Variants in MEGF11 observed in about 807,000 individuals in gnomAD.
MEGF11 encodes the protein multiple EGF like domains 11.
A neutral mutation model predicts 146.6 loss-of-function variants in MEGF11; 126 were observed. That is an observed-to-expected ratio of 0.86 (90% CI 0.74 to 1.00). MEGF11 has a LOEUF of 1.00. MEGF11 is among the 50% of genes least tolerant of loss of function. The probability of loss-of-function intolerance (pLI) is 0.00; values close to 1 mark genes in which losing one functional copy is unlikely to be tolerated. For missense variants in MEGF11, 1,509 were observed against 1,521.2 expected, an observed-to-expected ratio of 0.99 and a Z score of 0.13; for synonymous variants, 532 against 583.4, an observed-to-expected ratio of 0.91 and a Z score of 1.27.
In MEGF11 at chr15:65,938,316, G is replaced by GCTCC. The variant is rs1213361641; in HGVS notation, c.1288-7377_1288-7374dup. On this transcript the variant is annotated intron_variant, in intron 10 of 25. Transcript: ENST00000395614. ...ATTCATTTGGAACTCAGATCTCCTA[G>GCTCC]CTCCCATTTGGGTCACAGGATGCTA... Among the ~76,000 whole-genome samples the GCTCC allele has an allele frequency of 5.9e-5, 9 of 152,366 alleles. No individual in the cohort carries two copies. In the East Asian group the frequency reaches 1.3e-3, roughly 23 times the overall value.
At chr15:65,995,489 C>A (rs747350687) in intron 5 of MEGF11, among the ~76,000 whole-genome samples, 1 of 152,218 alleles carries the variant, frequency 6.6e-6, no homozygotes, top group South Asian at 2.1e-4. Flanking sequence ...GGTTGCTAAA[C>A]GTTTACTCTC....
At chr15:66,234,619 C>T (rs943985608) in intron 1 of MEGF11, among the ~76,000 whole-genome samples, 5 of 152,136 alleles carry the variant, frequency 3.3e-5, no homozygotes, top group African/African-American at 1.2e-4. Context: ...GAATATGATC[C>T]CTGAAGGACA....
intron 1 of MEGF11, among the ~76,000 whole-genome samples, chr15:66,243,988 C>G (rs2092257019): frequency 6.6e-6 from 1 of 152,216 alleles, no homozygotes; most frequent in African/African-American, 2.4e-5. Flanking sequence ...CTCAGGGTTA[C>G]TAACCATTGG....
intron 8 of MEGF11, among the ~76,000 whole-genome samples, chr15:65,968,376 T>A (rs1260782803): frequency 6.6e-6 from 1 of 152,186 alleles, no homozygotes. Context: ...AGATACCTCC[T>A]GATACCTGTT....
intron 19 of MEGF11, among the ~76,000 whole-genome samples, chr15:65,914,781 A>G (rs2078935933): frequency 2.0e-5 from 3 of 152,224 alleles, no homozygotes; most frequent in South Asian, 2.1e-4. Context: ...CCTTTTCTGT[A>G]ATGTGAATAA....
intron 5 of MEGF11, among the ~76,000 whole-genome samples, chr15:66,055,179 C>T (rs2084626119): frequency 6.6e-6 from 1 of 152,184 alleles, no homozygotes; most frequent in South Asian, 2.1e-4. Context: ...TCAAACTGTA[C>T]CGGTTTAGCT....
At chr15:65,993,498 T>C (rs963943329) in intron 5 of MEGF11, among the ~76,000 whole-genome samples, 1 of 151,600 alleles carries the variant, frequency 6.6e-6, no homozygotes, top group Non-Finnish European at 1.5e-5. Context: ...TCATAAATCA[T>C]GTCTGTGCAC....
intron 9 of MEGF11, 71 bp from the exon 10 acceptor site, chr15:65,957,792 C>T (rs1425272486): frequency 6.7e-7 from 1 of 1,501,304 alleles, no homozygotes; most frequent in Non-Finnish European, 9.2e-7. Context: ...CCTCTGTCTA[C>T]CCCAAGCCTG....
intron 24 of MEGF11, among the ~76,000 whole-genome samples, chr15:65,901,337 C>T (rs1473087015): frequency 2.0e-5 from 3 of 151,158 alleles, no homozygotes; most frequent in African/African-American, 2.4e-5. Flanking sequence ...TATTTTCTAA[C>T]GTGATGAATA....
intron 21 of MEGF11, among the ~76,000 whole-genome samples, chr15:65,911,026 G>A (rs966591102): frequency 6.6e-6 from 1 of 152,196 alleles, no homozygotes; most frequent in Non-Finnish European, 1.5e-5. Context: ...GGCACATTAA[G>A]GGAGCTCCCT....
intron 1 of MEGF11, among the ~76,000 whole-genome samples, chr15:66,216,263 T>C (rs1394939670): frequency 6.6e-6 from 1 of 152,102 alleles, no homozygotes; most frequent in African/African-American, 2.4e-5. Context: ...TTCTTGAAAT[T>C]ATGCACTGTC....
chr15:66,228,578 A>T (rs1441891654), intron 1 of MEGF11, among the ~76,000 whole-genome samples: 1 of 152,120 alleles, frequency 6.6e-6, no homozygotes, highest in African/African-American at 2.4e-5. Flanking sequence ...AACAGCCCCT[A>T]CCCCAGAGAG....
At chr15:66,251,294 G>C (rs1264869221) in intron 1 of MEGF11, among the ~76,000 whole-genome samples, 1 of 152,170 alleles carries the variant, frequency 6.6e-6, no homozygotes, top group Non-Finnish European at 1.5e-5. Context: ...CCTACCCGAG[G>C]ATCAGCTCCT....
chr15:66,232,258 C>T (rs184649859), intron 1 of MEGF11, among the ~76,000 whole-genome samples: 1 of 152,104 alleles, frequency 6.6e-6, no homozygotes, highest in East Asian at 1.9e-4. Flanking sequence ...CTCTGGCAAC[C>T]CTAGCAACTT....
intron 1 of MEGF11, among the ~76,000 whole-genome samples, chr15:66,145,532 A>G (rs1365850043): frequency 1.3e-5 from 2 of 152,166 alleles, no homozygotes; most frequent in Non-Finnish European, 2.9e-5. Flanking sequence ...GGGAAGGTGC[A>G]TAGACTAGGA....
intron 10 of MEGF11, among the ~76,000 whole-genome samples, chr15:65,943,477 C>T (rs571577415): frequency 6.6e-6 from 1 of 151,924 alleles, no homozygotes; most frequent in African/African-American, 2.4e-5. Context: ...TGTGTGCTAG[C>T]GGTGGTATAT....
intron 1 of MEGF11, among the ~76,000 whole-genome samples, chr15:66,212,258 C>T (rs931120284): frequency 1.3e-5 from 2 of 152,078 alleles, no homozygotes; most frequent in East Asian, 1.9e-4. Context: ...AAAGGGATGG[C>T]GGACCCCTCT....
At chr15:66,242,887 T>C (rs1394332092) in intron 1 of MEGF11, among the ~76,000 whole-genome samples, 1 of 152,130 alleles carries the variant, frequency 6.6e-6, no homozygotes, top group Non-Finnish European at 1.5e-5. Flanking sequence ...GGAAATCTAC[T>C]GAGAGAGGAA....
rs117523254 is a variant in MEGF11, at chr15:66,181,777, C to G, written c.-8-53366G>C. 2.2e-3 allele frequency among the ~76,000 whole-genome samples: 328 copies of G among 152,218 alleles called. 7 individuals are homozygous for G. The East Asian group carries it at 0.047, about 22-fold the overall frequency. On this transcript the variant is annotated intron_variant, in intron 1 of 25. Transcript: ENST00000395614. ...TTTAGTGCCAATGCTGGGGGAGGGG[C>G]GCTGTGTCTCTGCCGCTTATCAGCC...
Sources: gnomAD v4.1 joint callset for allele counts (sites outside exome capture counted in the v4.1 genomes callset) on GRCh38, gnomAD v4.1.1 for gene constraint, MANE v1.5 for transcripts, NCBI Gene and HGNC (gene_info 2026-07-23, HGNC 2026-07-21) for gene names.